The following ANKRD13A variants were observed in gnomAD, a reference collection of about 807,000 sequenced individuals.
ANKRD13A encodes the protein ankyrin repeat domain-containing protein 13A.
Under a neutral mutation model 81.3 loss-of-function variants are expected in ANKRD13A, and 48 were observed. That is an observed-to-expected ratio of 0.59 (90% CI 0.47 to 0.75). The LOEUF (loss-of-function observed/expected upper bound fraction) is 0.75. Ranked by LOEUF, ANKRD13A falls within the 30% of genes least tolerant of loss-of-function variation. The probability of loss-of-function intolerance (pLI) is 0.00; values close to 1 mark genes in which losing one functional copy is unlikely to be tolerated. For missense variants in ANKRD13A, 612 were observed against 734.0 expected, an observed-to-expected ratio of 0.83 and a Z score of 1.92; for synonymous variants, 230 against 270.1, an observed-to-expected ratio of 0.85 and a Z score of 1.45.
In ANKRD13A at chr12:109,999,899, C is replaced by G; in HGVS notation, c.96+115C>G. On this transcript the variant is annotated intron_variant, in intron 1 of 14. Coordinates refer to ENST00000261739, the MANE Select transcript of ANKRD13A (RefSeq NM_033121.2). The surrounding 1 kb of genome is among the most constrained non-coding windows in gnomAD (Gnocchi z 4.3). ...GTCCCCGGGATCCCCAGACCCCTTCCACTTTGCAGGTGTGGGACAGTCCTA... is the reference window on the plus strand; with the variant it reads ...GTCCCCGGGATCCCCAGACCCCTTCGACTTTGCAGGTGTGGGACAGTCCTA... The G allele has an allele frequency of 1.1e-6, 1 of 947,452 alleles. No individual in the cohort carries two copies. The highest frequency in any genetic ancestry group is 1.5e-6 in the Non-Finnish European group (1 of 666,244). The allele number at this position is 947,452 out of a possible 1,614,324, so 58.7% of individuals were successfully genotyped here. A position where few individuals can be genotyped will look rare whatever the true frequency, so the allele number is the denominator to read the frequency against.
chr12:110,017,275 A>C (rs2137120880), intron 4 of ANKRD13A, among the ~76,000 whole-genome samples: 1 of 152,242 alleles, frequency 6.6e-6, no homozygotes, highest in Non-Finnish European at 1.5e-5. Flanking sequence ...TAATTTCCTT[A>C]TGTGGTTTAG....
intron 12 of ANKRD13A, chr12:110,032,723 A>G (rs1469538977): frequency 2.0e-5 from 3 of 152,248 alleles, no homozygotes; most frequent in African/African-American, 7.2e-5. Context: ...AGAATGCGCT[A>G]TTGTGCTCTA....
intron 9 of ANKRD13A, 50 bp downstream of exon 9, chr12:110,027,816 T>A: frequency 6.3e-7 from 1 of 1,590,414 alleles, no homozygotes; most frequent in Non-Finnish European, 8.6e-7. Context: ...AGGAAACAAC[T>A]TGTCTGTGTC....
At chr12:110,025,856 GTTGTTATTTTT>G in intron 8 of ANKRD13A, 33 bp downstream of exon 8, 1 of 1,588,142 alleles carries the variant, frequency 6.3e-7, no homozygotes, top group Non-Finnish European at 8.6e-7. Context: ...CTCCTGTTTT[GTTGTTATTTTT>G]TAAGCCTAGA....
chr12:110,015,687 C>T (rs1039446355), intron 3 of ANKRD13A, among the ~76,000 whole-genome samples: 8 of 152,072 alleles, frequency 5.3e-5, no homozygotes, highest in African/African-American at 1.9e-4. Context: ...GCTAGGATTA[C>T]AGGCGTGTGC....
chr12:110,028,298 T>C, intron 9 of ANKRD13A: 2 of 473,898 alleles, frequency 4.2e-6, no homozygotes, highest in South Asian at 7.0e-5. Flanking sequence ...TAAAGGAGAG[T>C]AGAGAAATAT....
intron 14 of ANKRD13A, 90 bp from the exon 15 acceptor site, chr12:110,037,269 C>T: frequency 4.7e-6 from 6 of 1,288,260 alleles, no homozygotes; most frequent in Non-Finnish European, 6.5e-6. Flanking sequence ...GCACAGTGTG[C>T]CCTTGGTAAG....
At chr12:110,005,346 T>C (rs752945177) in intron 1 of ANKRD13A, among the ~76,000 whole-genome samples, 2 of 152,188 alleles carry the variant, frequency 1.3e-5, no homozygotes, top group Non-Finnish European at 2.9e-5. Flanking sequence ...TGTGTCCCTA[T>C]GTTGCCCAGA....
rs1890805127 is a variant in ANKRD13A at position 110,016,377 on chromosome 12, C to T, written c.355-11C>T. 3.8e-6 allele frequency: 6 copies of T among 1,580,484 alleles called. No homozygotes were observed. The highest frequency in any genetic ancestry group is 4.3e-6 in the Non-Finnish European group (5 of 1,158,030). ...AGGGTAATCTGTTTTAAACCTTTGT[C>T]TGCCCTTCAGGCTCCGGATTTCTAT... is the stretch of plus-strand genomic sequence containing the variant. On this transcript the variant is annotated splice_polypyrimidine_tract_variant and intron_variant, in intron 3 of 14. Transcript: ENST00000261739.
chr12:110,004,713 A>G (rs1201691409), intron 1 of ANKRD13A, among the ~76,000 whole-genome samples: 1 of 152,230 alleles, frequency 6.6e-6, no homozygotes, highest in East Asian at 1.9e-4. Context: ...TCTAAGCCCC[A>G]CTAATAACTG....
Position 110,027,780 on chromosome 12 carries a change from A to G in ANKRD13A, c.945+14A>G, listed in dbSNP as rs1891426504. 6.8e-6 allele frequency: 11 copies of G among 1,613,622 alleles called. No homozygotes were observed. The highest frequency in any genetic ancestry group is 6.7e-5 in the East Asian group (3 of 44,888). On this transcript the variant is annotated intron_variant, in intron 9 of 14. Coordinates refer to ENST00000261739, the MANE Select transcript of ANKRD13A (RefSeq NM_033121.2). ...GGTGCACAAGGGGTAAGTTGAAGCA[A>G]TGAGCTTTCATTGCAGTTAGATGAA...
intron 13 of ANKRD13A, among the ~76,000 whole-genome samples, chr12:110,034,706 TCTC>T (rs1891921755): frequency 6.6e-6 from 1 of 152,166 alleles, no homozygotes; most frequent in South Asian, 2.1e-4. Context: ...ACTCCTTCCA[TCTC>T]CTTCCTTCTG....
intron 1 of ANKRD13A, among the ~76,000 whole-genome samples, chr12:110,001,262 A>G (rs1889958367): frequency 6.6e-6 from 1 of 151,734 alleles, no homozygotes; most frequent in South Asian, 2.1e-4. Flanking sequence ...ATAATTGTCA[A>G]GAAATTGTAG....
chr12:110,021,150 G>A (rs1304199281), intron 6 of ANKRD13A: 3 of 456,948 alleles, frequency 6.6e-6, no homozygotes, highest in Non-Finnish European at 1.3e-5. Context: ...AACTGACAGT[G>A]TGTAGCTGAG....
chr12:110,037,201 C>T (rs973044128), intron 14 of ANKRD13A, among the ~76,000 whole-genome samples, 158 bp from the exon 15 acceptor site: 7 of 152,212 alleles, frequency 4.6e-5, no homozygotes. Flanking sequence ...CACCCGTATA[C>T]AACACCTACA....
At chr12:110,006,072 C>A (rs181816712) in intron 1 of ANKRD13A, among the ~76,000 whole-genome samples, 2 of 152,320 alleles carry the variant, frequency 1.3e-5, no homozygotes, top group Admixed American at 6.5e-5. Flanking sequence ...CCACCTTGGC[C>A]TCCCAAAGTT....
intron 1 of ANKRD13A, among the ~76,000 whole-genome samples, chr12:110,003,473 C>G (rs554038479): frequency 2.0e-4 from 30 of 152,320 alleles, no homozygotes; most frequent in South Asian, 1.4e-3. Flanking sequence ...CCTCAAGATT[C>G]CTGTTTCCAC....
chr12:110,030,664 C>G lies in ANKRD13A; in HGVS notation c.1254C>G (p.Val418=). The G allele has an allele frequency of 6.2e-7, 1 of 1,600,658 alleles. No individual in the cohort carries two copies. Among genetic ancestry groups the G allele is most frequent in the Non-Finnish European group, 8.5e-7 (1 of 1,173,914 alleles). The part of the protein sequence containing the change: ...PVKIEIPLFH[V]LNARITFGNV... ...TGTTAGAAATTCCCTTGTTTCATGT[C>G]TTAAATGCACGGATTACATTTGGAA... Residue 418 remains valine (V), a synonymous_variant, in exon 12 of 15, where the codon GTC becomes GTG. Coordinates refer to ENST00000261739, the MANE Select transcript of ANKRD13A (RefSeq NM_033121.2).
At chr12:110,030,879 G>A (rs1051668843) in intron 12 of ANKRD13A, 121 bp downstream of exon 12, 2 of 410,990 alleles carry the variant, frequency 4.9e-6, no homozygotes, top group Non-Finnish European at 8.5e-6. Context: ...TGGATCACCT[G>A]AGGTCGGGAG....
Sources: gnomAD v4.1 joint callset for allele counts (sites outside exome capture counted in the v4.1 genomes callset) on GRCh38, gnomAD v4.1.1 for gene constraint, Gnocchi (gnomAD v3.1) non-coding constraint, MANE v1.5 for transcripts, NCBI Gene and HGNC (gene_info 2026-07-23, HGNC 2026-07-21) for gene names.